The following GPC5 variants were observed in gnomAD, a reference collection of about 807,000 sequenced individuals.
The protein encoded by GPC5 is glypican 5.
A neutral mutation model predicts 53.9 loss-of-function variants in GPC5; 47 were observed. The ratio of observed to expected loss-of-function variants is 0.87; its 90% CI spans 0.69 to 1.11. The LOEUF (loss-of-function observed/expected upper bound fraction) is 1.11. Among genes scored for constraint, GPC5 ranks in the 50% most tolerant of loss-of-function variants. GPC5 has a pLI of 0.00. For synonymous variants in GPC5, 286 were observed against 263.3 expected (o/e 1.09, Z -0.84); for missense variants, 748 against 713.1 (o/e 1.05, Z -0.56).
chr13:92,790,547 G>A (rs571223627), intron 7 of GPC5, among the ~76,000 whole-genome samples: 39 of 152,200 alleles, frequency 2.6e-4, no homozygotes, highest in South Asian at 1.4e-3. Context: ...GTGCTTGTGC[G>A]AAGAATGTAA....
chr13:92,620,820 G>A (rs76273618), intron 7 of GPC5, among the ~76,000 whole-genome samples: 1 of 152,084 alleles, frequency 6.6e-6, no homozygotes, highest in African/African-American at 2.4e-5. Flanking sequence ...TTACAAGAAG[G>A]CTTTCTCTTC....
intron 5 of GPC5, among the ~76,000 whole-genome samples, chr13:91,791,982 T>C (rs984783052): frequency 2.0e-5 from 3 of 152,214 alleles, no homozygotes; most frequent in African/African-American, 7.2e-5. Context: ...TGATTAAAGG[T>C]CATATTGATA....
intron 2 of GPC5, among the ~76,000 whole-genome samples, chr13:91,501,853 G>C (rs1030172107): frequency 6.6e-6 from 1 of 152,200 alleles, no homozygotes; most frequent in Non-Finnish European, 1.5e-5. Context: ...CTAGTTTACA[G>C]TTCCACCAAC....
At chr13:92,807,239 C>T (rs888654917) in intron 7 of GPC5, among the ~76,000 whole-genome samples, 1 of 152,002 alleles carries the variant, frequency 6.6e-6, no homozygotes, top group African/African-American at 2.4e-5. Context: ...GCCAATAATT[C>T]ACGTACCTAA....
chr13:92,083,116 A>G (rs146113161), intron 6 of GPC5, among the ~76,000 whole-genome samples: 5,601 of 152,280 alleles, frequency 0.037, 129 homozygotes, highest in Non-Finnish European at 0.056. Context: ...TAGATACAAT[A>G]CAACTTATTT....
intron 1 of GPC5, among the ~76,000 whole-genome samples, chr13:91,433,594 C>A (rs1312336613): frequency 6.6e-6 from 1 of 152,124 alleles, no homozygotes; most frequent in Non-Finnish European, 1.5e-5. Flanking sequence ...TTAATCCAGT[C>A]TATCAATGTT....
chr13:92,483,007 G>T (rs1045581721), intron 7 of GPC5, among the ~76,000 whole-genome samples: 4 of 152,140 alleles, frequency 2.6e-5, no homozygotes, highest in African/African-American at 9.7e-5. Flanking sequence ...GTCTTACATG[G>T]CAGCAGGCAG....
At chr13:92,031,980 A>G (rs1296087481) in intron 6 of GPC5, among the ~76,000 whole-genome samples, 1 of 128,674 alleles carries the variant, frequency 7.8e-6, no homozygotes, top group Non-Finnish European at 1.6e-5. Context: ...TATATTCATT[A>G]CATATATTAT....
intron 7 of GPC5, among the ~76,000 whole-genome samples, chr13:92,360,517 C>T (rs1340426653): frequency 1.3e-5 from 2 of 151,592 alleles, no homozygotes; most frequent in Non-Finnish European, 2.9e-5. Flanking sequence ...CGACAGCCAA[C>T]ATCATACTAA....
At chr13:92,151,333 G>T (rs929932888) in intron 7 of GPC5, among the ~76,000 whole-genome samples, 5 of 151,994 alleles carry the variant, frequency 3.3e-5, no homozygotes. Context: ...TTTCTTACCC[G>T]CCTACAGATG....
chr13:91,642,188 C>T (rs936307229), intron 2 of GPC5, among the ~76,000 whole-genome samples: 1 of 152,070 alleles, frequency 6.6e-6, no homozygotes, highest in Non-Finnish European at 1.5e-5. Context: ...TAGATTAGAC[C>T]TCTCTAAACT....
At chr13:91,771,567 A>G (rs560069490) in intron 5 of GPC5, among the ~76,000 whole-genome samples, 11 of 152,314 alleles carry the variant, frequency 7.2e-5, no homozygotes, top group Admixed American at 2.0e-4. Flanking sequence ...TGAAGAATAT[A>G]ATTTTGATTT....
At chr13:92,028,916 T>C (rs1434679878) in intron 6 of GPC5, among the ~76,000 whole-genome samples, 1 of 152,206 alleles carries the variant, frequency 6.6e-6, no homozygotes, top group Non-Finnish European at 1.5e-5. Context: ...AGGATGTTGG[T>C]GGCAAGAAAT....
At chr13:92,570,093 A>T (rs1882979440) in intron 7 of GPC5, among the ~76,000 whole-genome samples, 1 of 152,200 alleles carries the variant, frequency 6.6e-6, no homozygotes, top group Admixed American at 6.5e-5. Flanking sequence ...TATGTGTTTT[A>T]AAAAAGACAA....
At chr13:91,895,829 G>C (rs1180795295) in intron 5 of GPC5, among the ~76,000 whole-genome samples, 5 of 152,002 alleles carry the variant, frequency 3.3e-5, no homozygotes, top group Non-Finnish European at 7.4e-5. Context: ...TTACTGTTGT[G>C]GAGATCAGAA....
chr13:91,740,156 A>G (rs1461195512), intron 4 of GPC5, among the ~76,000 whole-genome samples: 1 of 152,156 alleles, frequency 6.6e-6, no homozygotes, highest in Non-Finnish European at 1.5e-5. Flanking sequence ...AGTTGCCTGC[A>G]TACTGATTAC....
At chr13:92,081,198 T>C (rs999839318) in intron 6 of GPC5, among the ~76,000 whole-genome samples, 5 of 152,082 alleles carry the variant, frequency 3.3e-5, no homozygotes, top group Non-Finnish European at 1.5e-5. Context: ...GCCTCCCGGG[T>C]TCGAGTGATT....
intron 2 of GPC5, among the ~76,000 whole-genome samples, chr13:91,683,033 A>G (rs1025737086): frequency 1.1e-4 from 16 of 151,884 alleles, no homozygotes; most frequent in African/African-American, 3.4e-4. Flanking sequence ...TGTTGCTTAC[A>G]TGGGGAAAAA....
intron 6 of GPC5, among the ~76,000 whole-genome samples, chr13:91,957,497 A>G (rs1233750287): frequency 6.6e-6 from 1 of 152,186 alleles, no homozygotes; most frequent in African/African-American, 2.4e-5. Context: ...CATACAATTC[A>G]AAAAGGTCTT....
Sources: gnomAD v4.1 joint callset for allele counts (sites outside exome capture counted in the v4.1 genomes callset) on GRCh38, gnomAD v4.1.1 for gene constraint, MANE v1.5 for transcripts, NCBI Gene and HGNC (gene_info 2026-07-23, HGNC 2026-07-21) for gene names.